The following FOSB variants were observed in gnomAD, a reference collection of about 807,000 sequenced individuals.
FOSB encodes FosB proto-oncogene, AP-1 transcription factor subunit.
A neutral mutation model predicts 31.1 loss-of-function variants in FOSB; 8 were observed. That is an observed-to-expected ratio of 0.26 (90% CI 0.15 to 0.46). The LOEUF (loss-of-function observed/expected upper bound fraction) is 0.46, where lower values mean the gene tolerates loss of function less well. Among genes scored for constraint, FOSB ranks in the 20% least tolerant of loss-of-function variants. The pLI is 0.99. For missense variants in FOSB, 376 were observed against 460.6 expected, an observed-to-expected ratio of 0.82 and a Z score of 1.68; for synonymous variants, 214 against 206.1, an observed-to-expected ratio of 1.04 and a Z score of -0.33.
Position 45,468,912 on chromosome 19 carries a change from A to C in FOSB, c.126+200A>C. Among the ~76,000 whole-genome samples, 1 of 151,570 alleles carries C rather than the reference A, an allele frequency of 6.6e-6. No individual in the cohort carries two copies. The highest frequency in any genetic ancestry group is 1.5e-5 in the Non-Finnish European group (1 of 67,824). ...TGCGTGCGTGGAGCGCAAGGAGGGAACGCGGCAGGGAGGGTAGGCTTTGGG... is the reference window on the plus strand; with the variant it reads ...TGCGTGCGTGGAGCGCAAGGAGGGACCGCGGCAGGGAGGGTAGGCTTTGGG... On this transcript the variant is annotated intron_variant, in intron 1 of 3. Coordinates refer to ENST00000353609, the MANE Select transcript of FOSB (RefSeq NM_006732.3). This position sits in a 1 kb window ranked among gnomAD's most constrained non-coding sequence, Gnocchi z 4.8.
Position 45,468,357 on chromosome 19 carries a change from G to T in FOSB, c.-230G>T. The T allele has an allele frequency of 2.0e-6, 1 of 506,702 alleles. No homozygotes were observed. 31.4% of individuals were successfully genotyped at this position (506,702 alleles called of 1,614,324 possible). On this transcript the variant is annotated 5_prime_UTR_variant, in exon 1 of 4. Coordinates refer to ENST00000353609, the MANE Select transcript of FOSB (RefSeq NM_006732.3). This position sits in a 1 kb window ranked among gnomAD's most constrained non-coding sequence, Gnocchi z 4.8. ...CTTTCAAGAGGTACAGCGGCATCCTGTGGGGGCCTGGGCACCGCAGGAAGA... is the reference window on the plus strand; with the variant it reads ...CTTTCAAGAGGTACAGCGGCATCCTTTGGGGGCCTGGGCACCGCAGGAAGA...
intron 3 of FOSB, chr19:45,471,794 T>C (rs1599890513): frequency 6.4e-6 from 1 of 155,926 alleles, no homozygotes; most frequent in Admixed American, 6.2e-5. Flanking sequence ...ACTCCCTTCC[T>C]ACGTCCTCCC....
intron 1 of FOSB, chr19:45,470,330 C>G (rs1424351171): frequency 4.8e-6 from 2 of 412,584 alleles, no homozygotes; most frequent in African/African-American, 4.0e-5. Flanking sequence ...CTCTCCACCC[C>G]CCATACCTAA....
rs763191715 is a variant in FOSB, at chr19:45,468,315, G to A, written c.-272G>A. 1.4e-5 allele frequency: 5 copies of A among 356,840 alleles called. No individual in the cohort carries two copies. The highest frequency in any genetic ancestry group is 2.6e-5 in the Non-Finnish European group (5 of 195,008). The allele number at this position is 356,840 out of a possible 1,614,324, so 22.1% of individuals were successfully genotyped here. ...GGAGCAACCCCTCCCTCGCCCCTGG[G>A]TCCTACGGAGCCTGCACTTTCAAGA... On this transcript the variant is annotated 5_prime_UTR_variant, in exon 1 of 4. Transcript: ENST00000353609. This position sits in a 1 kb window ranked among gnomAD's most constrained non-coding sequence, Gnocchi z 4.8.
chr19:45,472,870 C>T lies in FOSB; in HGVS notation c.875C>T (p.Pro292Leu), dbSNP rs868431295. The change falls in exon 4 of 4, where the codon CCC becomes CTC. Residue 292 changes from proline (P) to leucine (L), a missense_variant. Pro to Leu is a moderately conservative substitution (Grantham distance 98). This residue lies in a region of FOSB where 148 missense variants were observed against 170.0 expected (regional missense o/e 0.87). Coordinates refer to ENST00000353609, the MANE Select transcript of FOSB (RefSeq NM_006732.3). The surrounding 1 kb of genome is among the most constrained non-coding windows in gnomAD (Gnocchi z 5.4). ...AGTGAAGTTCAAGTCCTCGGCGACC[C>T]CTTCCCCGTTGTTAACCCTTCGTAC... ...THSEVQVLGD[P>L]FPVVNPSYTS... The T allele has an allele frequency of 1.9e-6, 3 of 1,614,188 alleles. No homozygotes were observed. The highest frequency in any genetic ancestry group is 2.2e-5 in the South Asian group (2 of 91,086).
chr19:45,471,010 C>T, intron 2 of FOSB, 61 bp downstream of exon 2: 1 of 1,540,110 alleles, frequency 6.5e-7, no homozygotes, highest in Non-Finnish European at 8.9e-7. Context: ...CAGGAAGTTT[C>T]TTATGAATGG....
chr19:45,468,858 C>A lies in FOSB; in HGVS notation c.126+146C>A. 1 of 905,526 alleles carries A rather than the reference C, an allele frequency of 1.1e-6. No homozygotes were observed. The highest frequency in any genetic ancestry group is 1.6e-6 in the Non-Finnish European group (1 of 626,390). 56.1% of individuals were successfully genotyped at this position (905,526 alleles called of 1,614,324 possible). On this transcript the variant is annotated intron_variant, in intron 1 of 3. Transcript: ENST00000353609. This position sits in a 1 kb window ranked among gnomAD's most constrained non-coding sequence, Gnocchi z 4.8. ...GGCTCACAGCGCACTTTGCAAACTG[C>A]AAAGAGTCGGGAGATGTTTGCAATT...
At position 45,470,963 on chromosome 19, in the gene FOSB, A is replaced by G. The variant is rs542156920; in HGVS notation, c.447+14A>G. Reference sequence around the variant, plus strand: ...CGAGAGGAGACGGTGAGTAAGGGACATCAGAACTTGGCCTGGGTAGGGGGA... The same window carrying G: ...CGAGAGGAGACGGTGAGTAAGGGACGTCAGAACTTGGCCTGGGTAGGGGGA... On this transcript the variant is annotated intron_variant, in intron 2 of 3. Coordinates refer to ENST00000353609, the MANE Select transcript of FOSB (RefSeq NM_006732.3). 6.2e-7 allele frequency: 1 copy of G among 1,609,098 alleles called. No individual in the cohort carries two copies. Among genetic ancestry groups the G allele is most frequent in the Admixed American group, 1.7e-5 (1 of 60,004 alleles).
In FOSB at chr19:45,471,208, A is replaced by C; in HGVS notation, c.462A>C (p.Glu154Asp). 6.4e-7 allele frequency: 1 copy of C among 1,563,964 alleles called. No homozygotes were observed. Among genetic ancestry groups the C allele is most frequent in the South Asian group, 1.2e-5 (1 of 84,946 alleles). The change falls in exon 3 of 4, where the codon GAA becomes GAC. Residue 154 changes from glutamate to aspartate, a missense_variant. Transcript: ENST00000353609. ...RPREETLTPE[E>D]EEKRRVRRER... ...CCCTGACTCAGCTCACCCCAGAGGA[A>C]GAGGAGAAGCGAAGGGTGCGCCGGG...
Position 45,473,333 on chromosome 19 carries a change from AG to A in FOSB, c.*327del, listed in dbSNP as rs976420265. The A allele has an allele frequency of 1.8e-3, 39 of 22,152 alleles. No homozygotes were observed. The highest frequency in any genetic ancestry group is 2.4e-3 in the Admixed American group (3 of 1,266). 1.4% of individuals were successfully genotyped at this position (22,152 alleles called of 1,614,324 possible). A position where few individuals can be genotyped will look rare whatever the true frequency, so the allele number is the denominator to read the frequency against. ...ACCCAAGCTCTGGGGATGGGTGGGG[AG>A]GGGGGCGGGTGACGCCCACCTTCGG... On this transcript the variant is annotated 3_prime_UTR_variant, in exon 4 of 4. Coordinates refer to ENST00000353609, the MANE Select transcript of FOSB (RefSeq NM_006732.3).
At chr19:45,470,431 G>A in intron 1 of FOSB, 198 bp from the exon 2 acceptor site, 1 of 587,418 alleles carries the variant, frequency 1.7e-6, no homozygotes, top group Non-Finnish European at 3.0e-6. Flanking sequence ...CAGTTGAGCA[G>A]AAATCCTCTC....
In FOSB at chr19:45,473,188, T is replaced by C. The variant is rs1967743998; in HGVS notation, c.*176T>C. 3.2e-6 allele frequency: 2 copies of C among 626,882 alleles called. No individual in the cohort carries two copies. The highest frequency in any genetic ancestry group is 3.9e-5 in the South Asian group (2 of 51,018). The allele number at this position is 626,882 out of a possible 1,614,324, so 38.8% of individuals were successfully genotyped here. A position where few individuals can be genotyped will look rare whatever the true frequency, so the allele number is the denominator to read the frequency against. On this transcript the variant is annotated 3_prime_UTR_variant, in exon 4 of 4. Transcript: ENST00000353609. Reference sequence around the variant, plus strand: ...CACTGCCATCGGACAGGAGGATTCCTTGTGTTTTGTCCTGCCTCTTGTTTC... The same window carrying C: ...CACTGCCATCGGACAGGAGGATTCCCTGTGTTTTGTCCTGCCTCTTGTTTC...
chr19:45,475,137 CT>C lies in FOSB; in HGVS notation c.*2127del, dbSNP rs1967804511. The stretch of plus-strand genomic sequence containing the variant: ...TTGGCAATGGGCCGTCCCCTCTCCC[CT>C]TGGTTCTGCACTGTTGCCAATAAAA... On this transcript the variant is annotated 3_prime_UTR_variant, in exon 4 of 4. Transcript: ENST00000353609. The C allele has an allele frequency of 6.5e-6, 1 of 152,788 alleles. No homozygotes were observed. Among genetic ancestry groups the C allele is most frequent in the Non-Finnish European group, 1.5e-5 (1 of 68,060 alleles). 9.5% of individuals were successfully genotyped at this position (152,788 alleles called of 1,614,324 possible).
Position 45,470,631 on chromosome 19 carries a change from G to A in FOSB, c.129G>A (p.Glu43=). ...GSPPTAAASQ[E]CAGLGEMPGS... The stretch of plus-strand genomic sequence containing the variant: ...TGTGTGTATGTGTCACCCCGTAGGA[G>A]TGCGCCGGTCTCGGGGAAATGCCCG... Residue 43 remains glutamate, a splice_region_variant and synonymous_variant, in exon 2 of 4, where the codon GAG becomes GAA. Transcript: ENST00000353609. 9 of 1,604,872 alleles carry A rather than the reference G, an allele frequency of 5.6e-6. No homozygotes were observed. Among genetic ancestry groups the A allele is most frequent in the Non-Finnish European group, 7.7e-6 (9 of 1,175,850 alleles).
Position 45,468,044 on chromosome 19 carries a change from G to A in FOSB, c.-543G>A, listed in dbSNP as rs1457078828. On this transcript the variant is annotated 5_prime_UTR_variant, in exon 1 of 4. Coordinates refer to ENST00000353609, the MANE Select transcript of FOSB (RefSeq NM_006732.3). This position sits in a 1 kb window ranked among gnomAD's most constrained non-coding sequence, Gnocchi z 4.8. ...CCACGGCAGGGACACGCGGAACCAA[G>A]ACTTGGAAACTTGATTGTTGTGGTT... is the stretch of plus-strand genomic sequence containing the variant. 2.0e-5 allele frequency: 3 copies of A among 152,352 alleles called. No homozygotes were observed. The highest frequency in any genetic ancestry group is 4.4e-5 in the Non-Finnish European group (3 of 68,048). 9.4% of individuals were successfully genotyped at this position (152,352 alleles called of 1,614,324 possible).
rs1022470247 is a variant in FOSB at position 45,468,833 on chromosome 19, G to T, written c.126+121G>T. On this transcript the variant is annotated intron_variant, in intron 1 of 3. Coordinates refer to ENST00000353609, the MANE Select transcript of FOSB (RefSeq NM_006732.3). The surrounding 1 kb of genome is among the most constrained non-coding windows in gnomAD (Gnocchi z 4.8). ...AGAACCCTAGATCTGAGATGGAAAA[G>T]GCTCACAGCGCACTTTGCAAACTGC... 35 of 1,108,624 alleles carry T rather than the reference G, an allele frequency of 3.2e-5. No individual in the cohort carries two copies. Among genetic ancestry groups the T allele is most frequent in the Non-Finnish European group, 4.1e-5 (33 of 798,040 alleles). 68.7% of individuals were successfully genotyped at this position (1,108,624 alleles called of 1,614,324 possible). A position where few individuals can be genotyped will look rare whatever the true frequency, so the allele number is the denominator to read the frequency against.
rs1244135136 is a variant in FOSB at position 45,472,299 on chromosome 19, A to G, written c.556-252A>G. On this transcript the variant is annotated intron_variant, in intron 3 of 3. Transcript: ENST00000353609. The surrounding 1 kb of genome is among the most constrained non-coding windows in gnomAD (Gnocchi z 5.4). ...TTCAACAAACCTCCTGCACACCAGAAACTTCCCCATAAACCTGGCCCCTTC... is the reference window on the plus strand; with the variant it reads ...TTCAACAAACCTCCTGCACACCAGAGACTTCCCCATAAACCTGGCCCCTTC... 6.6e-6 allele frequency among the ~76,000 whole-genome samples: 1 copy of G among 152,142 alleles called. No homozygotes were observed. The highest frequency in any genetic ancestry group is 1.5e-5 in the Non-Finnish European group (1 of 68,022).
intron 1 of FOSB, 91 bp from the exon 2 acceptor site, chr19:45,470,538 G>A (rs149541859): frequency 8.5e-6 from 11 of 1,301,260 alleles, no homozygotes; most frequent in African/African-American, 5.9e-5. Context: ...GCTCACTCAC[G>A]GGGTCGGTGT....
rs10422572 is a variant in FOSB, at chr19:45,473,501, A to T, written c.*489A>T. ...CACCCACCCTTTTTTTGGGGTGCCT[A>T]GGTTGGTTTCCCCTGCACTCCCGAC... On this transcript the variant is annotated 3_prime_UTR_variant, in exon 4 of 4. Coordinates refer to ENST00000353609, the MANE Select transcript of FOSB (RefSeq NM_006732.3). The T allele has an allele frequency of 6.0e-3, 963 of 160,718 alleles. 8 individuals are homozygous for T. The highest frequency in any genetic ancestry group is 0.022 in the African/African-American group (910 of 41,496). 10.0% of individuals were successfully genotyped at this position (160,718 alleles called of 1,614,324 possible).
Sources: allele counts gnomAD v4.1 joint callset (sites outside exome capture counted in the v4.1 genomes callset), GRCh38; gene constraint gnomAD v4.1.1; regional missense constraint gnomAD v4.1.1; non-coding constraint Gnocchi (gnomAD v3.1); transcripts MANE v1.5; gene names NCBI Gene and HGNC (gene_info 2026-07-23, HGNC 2026-07-21).